Variants in RARB observed in about 807,000 individuals in gnomAD.
RARB encodes HBV-activated protein.
A neutral mutation model predicts 51.9 loss-of-function variants in RARB; 17 were observed. The observed-to-expected ratio is 0.33, with a 90% CI of 0.22 to 0.49. The LOEUF (loss-of-function observed/expected upper bound fraction) is 0.49, where lower values mean the gene tolerates loss of function less well. Ranked by LOEUF, RARB falls within the 20% of genes least tolerant of loss-of-function variation. The pLI is 0.99. For synonymous variants in RARB, 215 were observed against 195.4 expected (o/e 1.10, Z -0.84); for missense variants, 369 against 550.8 (o/e 0.67, Z 3.30).
At chr3:25,530,336 T>C (rs540071118) in intron 3 of RARB, among the ~76,000 whole-genome samples, 1 of 152,338 alleles carries the variant, frequency 6.6e-6, no homozygotes, top group Admixed American at 6.5e-5. Flanking sequence ...GGGTTTGATA[T>C]CCTATTACTG....
intron 1 of RARB, among the ~76,000 whole-genome samples, chr3:24,849,651 A>G (rs757612387): frequency 6.6e-6 from 1 of 152,220 alleles, no homozygotes; most frequent in Non-Finnish European, 1.5e-5. Flanking sequence ...AAATACAGGT[A>G]TTTTCTCCAT....
intron 5 of RARB, among the ~76,000 whole-genome samples, chr3:25,339,138 C>T (rs908245896): frequency 6.6e-6 from 1 of 152,120 alleles, no homozygotes; most frequent in African/African-American, 2.4e-5. Context: ...TTTGAAACAC[C>T]CTTAAAGGAG....
intron 5 of RARB, among the ~76,000 whole-genome samples, chr3:25,386,292 A>G (rs1252368102): frequency 6.6e-6 from 1 of 152,094 alleles, no homozygotes; most frequent in African/African-American, 2.4e-5. Context: ...TCTCAAAGGC[A>G]TAGAGGCTGG....
At chr3:24,908,896 C>G (rs13085461) in intron 2 of RARB, among the ~76,000 whole-genome samples, 77,912 of 151,664 alleles carry the variant, frequency 0.51, 20,342 homozygotes, top group East Asian at 0.61. Flanking sequence ...TGCTTTCCCA[C>G]ATCCTTCAGC....
chr3:24,869,930 T>C (rs1702916726), intron 2 of RARB, among the ~76,000 whole-genome samples: 1 of 152,074 alleles, frequency 6.6e-6, no homozygotes, highest in Non-Finnish European at 1.5e-5. Context: ...TGAAACTTCA[T>C]TTTTCCGTAC....
chr3:25,405,444 G>C lies in RARB; in HGVS notation c.179-55749G>C, dbSNP rs960869184. ...GTATTATAAGCATTGCTAAACATCAGGCCTTGAGTTTGGTGATGTGGAAAT... is the reference window on the plus strand; with the variant it reads ...GTATTATAAGCATTGCTAAACATCACGCCTTGAGTTTGGTGATGTGGAAAT... On this transcript the variant is annotated intron_variant, in intron 5 of 11. Coordinates refer to the RARB transcript ENST00000383772. Among the ~76,000 whole-genome samples, 3 of 152,166 alleles carry C rather than the reference G, an allele frequency of 2.0e-5. No homozygotes were observed. In the South Asian group the frequency reaches 6.2e-4, roughly 32 times the overall value.
At chr3:25,552,485 C>T (rs867947842) in intron 3 of RARB, among the ~76,000 whole-genome samples, 1 of 152,012 alleles carries the variant, frequency 6.6e-6, no homozygotes, top group Non-Finnish European at 1.5e-5. Context: ...GGAACATTCT[C>T]GTGCCAGTGG....
intron 2 of RARB, among the ~76,000 whole-genome samples, chr3:24,985,061 T>C (rs1221464942): frequency 6.6e-6 from 1 of 152,234 alleles, no homozygotes; most frequent in African/African-American, 2.4e-5. Context: ...TAAATATTTA[T>C]TTGGCTCTCT....
At chr3:25,449,032 G>A (rs182174570) in intron 1 of RARB, among the ~76,000 whole-genome samples, 2 of 152,060 alleles carry the variant, frequency 1.3e-5, no homozygotes, top group South Asian at 2.1e-4. Context: ...ATAAATTTTG[G>A]TTAAGGGAGT....
intron 5 of RARB, among the ~76,000 whole-genome samples, chr3:25,365,905 A>C (rs1224121804): frequency 6.6e-6 from 1 of 152,236 alleles, no homozygotes; most frequent in Non-Finnish European, 1.5e-5. Context: ...GCCATACCAC[A>C]GTAGTCACAA....
intron 5 of RARB, among the ~76,000 whole-genome samples, chr3:25,322,826 G>A (rs751536777): frequency 6.6e-6 from 1 of 152,170 alleles, no homozygotes; most frequent in Non-Finnish European, 1.5e-5. Context: ...ACATGAGTTG[G>A]AAATCCCTGC....
chr3:25,345,690 A>G (rs1215492983), intron 5 of RARB, among the ~76,000 whole-genome samples: 1 of 150,660 alleles, frequency 6.6e-6, no homozygotes, highest in Non-Finnish European at 1.5e-5. Context: ...AAAAAAATTC[A>G]TCAAAGGACT....
At chr3:25,307,905 T>C (rs141466058) in intron 5 of RARB, among the ~76,000 whole-genome samples, 109 of 152,254 alleles carry the variant, frequency 7.2e-4, no homozygotes, top group Non-Finnish European at 1.4e-3. Flanking sequence ...TTACATATTA[T>C]CTGTGGCTGG....
At chr3:25,414,086 T>C (rs1043414700) in intron 5 of RARB, among the ~76,000 whole-genome samples, 16 of 151,982 alleles carry the variant, frequency 1.1e-4, no homozygotes, top group Admixed American at 6.6e-4. Flanking sequence ...CCCTAAGCCC[T>C]GTCTCTAGGC....
chr3:24,912,975 C>CATTTTTTTT (rs1695022870), intron 2 of RARB, among the ~76,000 whole-genome samples: 1 of 75,066 alleles, frequency 1.3e-5, no homozygotes, highest in Non-Finnish European at 2.6e-5. Flanking sequence ...GGTACTGATT[C>CATTTTTTTT]TTTTTTTTTT....
exon 5 of RARB, chr3:25,174,566 T>A (rs769434353): frequency 1.5e-6 from 2 of 1,352,116 alleles, no homozygotes; most frequent in East Asian, 9.1e-5. Flanking sequence ...CAGCACCCCG[T>A]CGCCGGCAAG....
intron 2 of RARB, among the ~76,000 whole-genome samples, chr3:24,941,101 G>A (rs1052278254): frequency 1.3e-5 from 2 of 152,020 alleles, no homozygotes; most frequent in Non-Finnish European, 2.9e-5. Context: ...CTTTAATTTA[G>A]AATGGGGATG....
At chr3:25,406,431 G>T (rs1176563263) in intron 5 of RARB, among the ~76,000 whole-genome samples, 1 of 152,210 alleles carries the variant, frequency 6.6e-6, no homozygotes, top group African/African-American at 2.4e-5. Context: ...AGATCAGGGT[G>T]CCAGTGGGGT....
rs1301036103 is a variant in RARB, at chr3:25,210,569, T to C, written c.178+35994T>C. ...TTTTTTTTTTGAGATTGAGTCTCAC[T>C]CTGTTGCCCAGGCAAGAGTGCAGAG... On this transcript the variant is annotated intron_variant, in intron 5 of 11. Coordinates refer to the RARB transcript ENST00000383772. Among the ~76,000 whole-genome samples, 6 of 135,748 alleles carry C rather than the reference T, an allele frequency of 4.4e-5. No homozygotes were observed. In the East Asian group the frequency reaches 1.4e-3, roughly 31 times the overall value. The allele number at this position is 135,748 out of a possible 152,430, so 89.1% of individuals were successfully genotyped here.
Sources: allele counts gnomAD v4.1 joint callset (sites outside exome capture counted in the v4.1 genomes callset), GRCh38; gene constraint gnomAD v4.1.1; transcripts MANE v1.5; gene names NCBI Gene and HGNC (gene_info 2026-07-23, HGNC 2026-07-21).